FHOD1: variants seen among roughly 807,000 people sequenced by gnomAD.
The protein encoded by FHOD1 is FH1/FH2 domain-containing protein 1.
In FHOD1, 89 loss-of-function variants were observed where a neutral mutation model predicts 111.6. The observed-to-expected ratio is 0.80, with a 90% CI of 0.67 to 0.95. FHOD1 has a LOEUF of 0.95. Among genes scored for constraint, FHOD1 ranks in the 40% least tolerant of loss-of-function variants. The pLI, the probability that FHOD1 is intolerant of heterozygous loss-of-function variation, is 0.00. For missense variants in FHOD1, 1,446 were observed against 1,554.2 expected, an observed-to-expected ratio of 0.93 and a Z score of 1.17; for synonymous variants, 618 against 639.0, an observed-to-expected ratio of 0.97 and a Z score of 0.50.
Position 67,229,904 on chromosome 16 carries a change from T to C in FHOD1, c.3301A>G (p.Ser1101Gly), listed in dbSNP as rs1425963581. 6.2e-7 allele frequency: 1 copy of C among 1,614,216 alleles called. No individual in the cohort carries two copies. The highest frequency in any genetic ancestry group is 1.1e-5 in the South Asian group (1 of 91,088). The change falls in exon 21 of 22, where the codon AGT becomes GGT. Residue 1101 changes from serine to glycine, a missense_variant. Physicochemically the swap from Ser to Gly is moderately conservative, Grantham distance 56. Transcript: ENST00000258201. ...PEEPPGSSLP[S>G]DTSDEIMDLL... ...TCCATGATCTCATCTGATGTATCAC[T>C]GGGTAAACTGGAGCCTGGGGGTTCT...
At position 67,236,494 on chromosome 16, in the gene FHOD1, G is replaced by A; in HGVS notation, c.1319+63C>T. The A allele has an allele frequency of 3.2e-6, 5 of 1,576,092 alleles. 1 individual carries two copies. The highest frequency in any genetic ancestry group is 2.3e-5 in the South Asian group (2 of 86,428). On this transcript the variant is annotated intron_variant, in intron 11 of 21. Coordinates refer to ENST00000258201, the MANE Select transcript of FHOD1 (RefSeq NM_013241.3). ...CAGAGGAGGCTGAGTGCCCATGGAG[G>A]GGCGCAAAGCGGAGGGACAATGGGA...
chr16:67,230,144 C>CT lies in FHOD1; in HGVS notation c.3135dup (p.Asp1046ArgfsTer3). The CT allele has an allele frequency of 6.2e-7, 1 of 1,614,242 alleles. No individual in the cohort carries two copies. The highest frequency in any genetic ancestry group is 8.5e-7 in the Non-Finnish European group (1 of 1,180,038). On this transcript the variant is annotated frameshift_variant, in exon 20 of 22. Coordinates refer to ENST00000258201, the MANE Select transcript of FHOD1 (RefSeq NM_013241.3). LOFTEE classifies it high-confidence loss of function. ...TTCATACTAGCATGACTGTCAGCAT[C>CT]TCCCCGGCCTGGCCCGCTGCTCACT...
rs574692248 is a variant in FHOD1 at position 67,234,361 on chromosome 16, G to A, written c.1431C>T (p.His477=). ...AGAMPNEAGG[H]PDARQLWDSP... is the part of the protein sequence containing the mutation. ...CCTGCTCACCCACCTACTCACCTGG[G>A]TGTCCACCCGCCTCATTGGGCATGG... Residue 477 remains histidine (H), a synonymous_variant, in exon 12 of 22, where the codon CAC becomes CAT. Coordinates refer to ENST00000258201, the MANE Select transcript of FHOD1 (RefSeq NM_013241.3). 5.0e-6 allele frequency: 8 copies of A among 1,609,406 alleles called. No individual in the cohort carries two copies. In the South Asian group the frequency reaches 7.7e-5, roughly 15 times the overall value.
chr16:67,233,536 T>C, intron 13 of FHOD1, 121 bp downstream of exon 13: 1 of 1,366,848 alleles, frequency 7.3e-7, no homozygotes, highest in Non-Finnish European at 9.7e-7. Context: ...AATTTCCTAC[T>C]CCTTTCTTTG....
chr16:67,236,614 A>G lies in FHOD1; in HGVS notation c.1262T>C (p.Phe421Ser). The change falls in exon 11 of 22, where the codon TTT becomes TCT. Residue 421 changes from phenylalanine to serine, a missense_variant. Transcript: ENST00000258201. ...TGAGGGTGCCACAGAGATGGTAGGA[A>G]AAAGGTTCACTGAAGCTTGGAGACC... Reference protein sequence around the residue: ...PSGLQASVNLFPTISVAPSAD... With the variant: ...PSGLQASVNLSPTISVAPSAD... 1 of 1,613,696 alleles carries G rather than the reference A, an allele frequency of 6.2e-7. No individual in the cohort carries two copies. Among genetic ancestry groups the G allele is most frequent in the East Asian group, 2.2e-5 (1 of 44,870 alleles).
Position 67,238,797 on chromosome 16 carries a change from A to G in FHOD1, c.373+106T>C. ...TCAGGATAGGGAGAGGAAGGAGCAC[A>G]TACAGCTAAACCTACTTTGCTCACT... On this transcript the variant is annotated intron_variant, in intron 3 of 21. Transcript: ENST00000258201. The surrounding 1 kb of genome is among the most constrained non-coding windows in gnomAD (Gnocchi z 4.2). The G allele has an allele frequency of 5.5e-6, 6 of 1,085,142 alleles. No individual in the cohort carries two copies. Among genetic ancestry groups the G allele is most frequent in the Non-Finnish European group, 8.5e-6 (6 of 702,594 alleles). The allele number at this position is 1,085,142 out of a possible 1,614,324, so 67.2% of individuals were successfully genotyped here. A position where few individuals can be genotyped will look rare whatever the true frequency, so the allele number is the denominator to read the frequency against.
intron 1 of FHOD1, among the ~76,000 whole-genome samples, chr16:67,244,229 A>G (rs1262221371): frequency 6.6e-6 from 1 of 152,126 alleles, no homozygotes; most frequent in African/African-American, 2.4e-5. Context: ...GGGAGAAGTC[A>G]GTGCTATACC....
At position 67,231,732 on chromosome 16, in the gene FHOD1, C is replaced by G; in HGVS notation, c.2290G>C (p.Ala764Pro). 25 of 1,614,124 alleles carry G rather than the reference C, an allele frequency of 1.5e-5. No individual in the cohort carries two copies. The highest frequency in any genetic ancestry group is 2.1e-5 in the Non-Finnish European group (25 of 1,180,016). ...LANPDIPLGPAENFLMTLASI... is the reference protein window; with the variant it reads ...LANPDIPLGPPENFLMTLASI... ...GCAAGAGTCATCAGGAAGTTCTCGGCTGGGCCCAGGGGTATGTCAGGGTTG... is the reference window on the plus strand; with the variant it reads ...GCAAGAGTCATCAGGAAGTTCTCGGGTGGGCCCAGGGGTATGTCAGGGTTG... Residue 764 changes from alanine (A) to proline (P), a missense_variant, in exon 15 of 22, where the codon GCC becomes CCC. Physicochemically the swap from Ala to Pro is conservative, Grantham distance 27 (BLOSUM62 -1). Around this residue, in one of 3 missense-constraint regions of FHOD1, gnomAD observed 1,085 missense variants for 1,108.8 expected, o/e 0.98. Transcript: ENST00000258201. This position sits in a 1 kb window ranked among gnomAD's most constrained non-coding sequence, Gnocchi z 4.3.
chr16:67,245,242 G>A (rs899819566), intron 1 of FHOD1, among the ~76,000 whole-genome samples: 3 of 152,176 alleles, frequency 2.0e-5, no homozygotes, highest in African/African-American at 7.2e-5. Flanking sequence ...ACATGAAATC[G>A]GGGAGACCAG....
At position 67,234,139 on chromosome 16, in the gene FHOD1, C is replaced by T; in HGVS notation, c.1564G>A (p.Ala522Thr). The T allele has an allele frequency of 2.6e-6, 4 of 1,568,314 alleles. No homozygotes were observed. The highest frequency in any genetic ancestry group is 3.5e-6 in the Non-Finnish European group (4 of 1,154,824). The change falls in exon 13 of 22, where the codon GCA becomes ACA. Residue 522 changes from alanine to threonine, a missense_variant. Coordinates refer to ENST00000258201, the MANE Select transcript of FHOD1 (RefSeq NM_013241.3). ...CAGATGGGCTCAGCCTTGGGGCTTG[C>T]TGGTATCAGTGGCTCCTTGGGCTCT... The part of the protein sequence containing the change: ...APEPKEPLIP[A>T]SPKAEPIWEL...
intron 11 of FHOD1, among the ~76,000 whole-genome samples, chr16:67,235,359 G>C (rs1473120225): frequency 6.6e-6 from 1 of 152,012 alleles, no homozygotes; most frequent in Admixed American, 6.6e-5. Context: ...GTGAAACCCT[G>C]TCTCTACTAA....
Position 67,231,207 on chromosome 16 carries a change from G to C in FHOD1, c.2648C>G (p.Ala883Gly). The part of the protein sequence containing the change: ...ESSDLYSEIP[A>G]LTRCAKVDFE... ...GCTAACCTTGGCACAGCGGGTCAGG[G>C]CAGGGATTTCTGAATAGAGGTCAGA... The change falls in exon 17 of 22, where the codon GCC (alanine) becomes GGC (glycine). Residue 883 changes from alanine (A) to glycine (G), a missense_variant. Around this residue, in one of 3 missense-constraint regions of FHOD1, gnomAD observed 1,085 missense variants for 1,108.8 expected, o/e 0.98. Transcript: ENST00000258201. The surrounding 1 kb of genome is among the most constrained non-coding windows in gnomAD (Gnocchi z 4.3). 6.2e-7 allele frequency: 1 copy of C among 1,614,196 alleles called. No individual in the cohort carries two copies. The highest frequency in any genetic ancestry group is 8.5e-7 in the Non-Finnish European group (1 of 1,180,016).
rs751703092 is a variant in FHOD1, at chr16:67,230,451, G to A, written c.2914C>T (p.Arg972Cys). Reference protein sequence around the residue: ...GYTPQAAREVRIMQFCHTLRE... With the variant: ...GYTPQAAREVCIMQFCHTLRE... ...AGCGTGTGGCAGAACTGCATGATGC[G>A]CACTTCACGGGCCGCCTGCGGGGTG... The change falls in exon 19 of 22, where the codon CGC becomes TGC. Residue 972 changes from arginine (R) to cysteine (C), a missense_variant. By Grantham distance (180) the Arg-to-Cys change is radical (BLOSUM62 -3). Coordinates refer to ENST00000258201, the MANE Select transcript of FHOD1 (RefSeq NM_013241.3). 45 of 1,614,116 alleles carry A rather than the reference G, an allele frequency of 2.8e-5. No individual in the cohort carries two copies. Among genetic ancestry groups the A allele is most frequent in the Non-Finnish European group, 3.5e-5 (41 of 1,180,050 alleles).
Position 67,229,784 on chromosome 16 carries a change from GTTAC to G in FHOD1, c.3412+5_3412+8del, listed in dbSNP as rs1567380924. On this transcript the variant is annotated splice_donor_5th_base_variant and intron_variant, in intron 21 of 21. Transcript: ENST00000258201. ...CAGGTGGGCAGTGGGATTGTGGGGG[GTTAC>G]TTACAAGACTTGCGGTTGCCGCGGG... The G allele has an allele frequency of 6.2e-7, 1 of 1,614,202 alleles. No homozygotes were observed. Among genetic ancestry groups the G allele is most frequent in the Non-Finnish European group, 8.5e-7 (1 of 1,180,030 alleles).
Position 67,230,478 on chromosome 16 carries a change from A to T in FHOD1, c.2887T>A (p.Tyr963Asn). The T allele has an allele frequency of 6.2e-7, 1 of 1,614,246 alleles. No individual in the cohort carries two copies. The highest frequency in any genetic ancestry group is 8.5e-7 in the Non-Finnish European group (1 of 1,180,038). Residue 963 changes from tyrosine to asparagine, a missense_variant, in exon 19 of 22, where the codon TAC becomes AAC. This residue lies in a region of FHOD1 where 1,085 missense variants were observed against 1,108.8 expected (regional missense o/e 0.98). Coordinates refer to ENST00000258201, the MANE Select transcript of FHOD1 (RefSeq NM_013241.3). ...RFHAFLLYLGYTPQAAREVRI... is the reference protein window; with the variant it reads ...RFHAFLLYLGNTPQAAREVRI... ...ACTTCACGGGCCGCCTGCGGGGTGT[A>T]GCCCAGGTAGAGCAGGAAGGCATGG...
Position 67,236,728 on chromosome 16 carries a change from G to C in FHOD1, c.1148C>G (p.Thr383Arg). The change falls in exon 11 of 22, where the codon ACA becomes AGA. Residue 383 changes from threonine (T) to arginine (R), a missense_variant. This residue lies in a region of FHOD1 where 1,085 missense variants were observed against 1,108.8 expected (regional missense o/e 0.98). Transcript: ENST00000258201. ...GGGGCCTACCGGTGAGGCGGGGCCT[G>C]TGGGGCTGAAAGCAGGGGCTGTCAG... ...CPARAPEPGP[T>R]GPASPVGPTS... 1 of 1,546,622 alleles carries C rather than the reference G, an allele frequency of 6.5e-7. No homozygotes were observed. Among genetic ancestry groups the C allele is most frequent in the Non-Finnish European group, 8.7e-7 (1 of 1,145,772 alleles).
rs754058792 is a variant in FHOD1, at chr16:67,230,589, C to G, written c.2858+12G>C. 5.0e-6 allele frequency: 8 copies of G among 1,614,032 alleles called. No homozygotes were observed. The highest frequency in any genetic ancestry group is 6.8e-6 in the Non-Finnish European group (8 of 1,179,914). On this transcript the variant is annotated intron_variant, in intron 18 of 21. Coordinates refer to ENST00000258201, the MANE Select transcript of FHOD1 (RefSeq NM_013241.3). ...GGTGGCCGTCCTGCCTCTCTTGGGT[C>G]CATGCCCCTACCTATTGCAGACACG...
At chr16:67,236,898 G>A (rs2034503088) in intron 10 of FHOD1, 68 bp downstream of exon 10, 1 of 1,522,892 alleles carries the variant, frequency 6.6e-7, no homozygotes, top group Non-Finnish European at 8.8e-7. Flanking sequence ...TTGGGGTCAG[G>A]GCCTGTCAGC....
At chr16:67,234,804 C>CA in intron 11 of FHOD1, 1 of 280,282 alleles carries the variant, frequency 3.6e-6, no homozygotes, top group Non-Finnish European at 6.9e-6. Context: ...CTCACTCTGT[C>CA]AGTCACCCAG....
Sources: gnomAD v4.1 joint callset for allele counts (sites outside exome capture counted in the v4.1 genomes callset) on GRCh38, gnomAD v4.1.1 for gene constraint, gnomAD v4.1.1 regional missense constraint, Gnocchi (gnomAD v3.1) non-coding constraint, MANE v1.5 for transcripts, NCBI Gene and HGNC (gene_info 2026-07-23, HGNC 2026-07-21) for gene names.